Variants in INPP4B observed in about 807,000 individuals in gnomAD.
The protein encoded by INPP4B is inositol polyphosphate 4-phosphatase type II.
A neutral mutation model predicts 122.5 loss-of-function variants in INPP4B; 55 were observed. The observed-to-expected ratio is 0.45, with a 90% CI of 0.36 to 0.56. The LOEUF (loss-of-function observed/expected upper bound fraction) is 0.56. Ranked by LOEUF, INPP4B falls within the 20% of genes least tolerant of loss-of-function variation. The pLI, the probability that INPP4B is intolerant of heterozygous loss-of-function variation, is 0.00. For synonymous variants in INPP4B, 403 were observed against 388.7 expected (o/e 1.04, Z -0.43); for missense variants, 1,000 against 1,097.7 (o/e 0.91, Z 1.26).
rs889213169 is a variant in INPP4B, at chr4:142,251,708, T to C, written c.688+8784A>G. Reference sequence around the variant, plus strand: ...GACTTGATGTTTTTAAACATATTGCTCAATTAAATTGTATTTTGTTTATCT... The same window carrying C: ...GACTTGATGTTTTTAAACATATTGCCCAATTAAATTGTATTTTGTTTATCT... On this transcript the variant is annotated intron_variant, in intron 11 of 25. Coordinates refer to ENST00000262992, the MANE Select transcript of INPP4B (RefSeq NM_001101669.3). Among the ~76,000 whole-genome samples the C allele has an allele frequency of 3.9e-5, 6 of 152,334 alleles. No homozygotes were observed. The South Asian group carries it at 1.2e-3, about 32-fold the overall frequency.
chr4:142,598,482 T>C (rs1459361192), intron 2 of INPP4B, among the ~76,000 whole-genome samples: 2 of 152,084 alleles, frequency 1.3e-5, no homozygotes, highest in African/African-American at 4.8e-5. Context: ...CCACATCCTG[T>C]AAGTCCCCAT....
At chr4:142,843,157 G>C (rs1035064477) in intron 1 of INPP4B, among the ~76,000 whole-genome samples, 1 of 150,932 alleles carries the variant, frequency 6.6e-6, no homozygotes, top group African/African-American at 2.4e-5. Context: ...ATCTTTTCTA[G>C]GTATATACTG....
At chr4:142,112,159 A>T (rs565894232) in intron 22 of INPP4B, among the ~76,000 whole-genome samples, 5 of 152,330 alleles carry the variant, frequency 3.3e-5, no homozygotes, top group African/African-American at 9.6e-5. Context: ...AATAAACACA[A>T]AAAAGAGAAA....
intron 25 of INPP4B, among the ~76,000 whole-genome samples, chr4:142,067,217 G>A (rs1451272345): frequency 6.6e-6 from 1 of 152,210 alleles, no homozygotes; most frequent in Non-Finnish European, 1.5e-5. Context: ...AACAGGGTCT[G>A]GAGTGGACCT....
chr4:142,404,018 G>A (rs924504219), intron 6 of INPP4B, among the ~76,000 whole-genome samples: 2 of 151,144 alleles, frequency 1.3e-5, no homozygotes, highest in South Asian at 4.2e-4. Flanking sequence ...GAGTGAATAA[G>A]TAAATTTTGG....
chr4:142,788,228 A>G (rs961105181), intron 1 of INPP4B, among the ~76,000 whole-genome samples: 1 of 152,108 alleles, frequency 6.6e-6, no homozygotes, highest in African/African-American at 2.4e-5. Flanking sequence ...CTTTATTCCA[A>G]AAAATTCAAG....
chr4:142,175,473 C>G (rs1827714583), intron 15 of INPP4B, among the ~76,000 whole-genome samples: 2 of 151,962 alleles, frequency 1.3e-5, no homozygotes, highest in Non-Finnish European at 2.9e-5. Context: ...GAAGATTGAA[C>G]AAGAAGTCAA....
At chr4:142,717,821 A>G (rs914732942) in intron 2 of INPP4B, among the ~76,000 whole-genome samples, 14 of 151,334 alleles carry the variant, frequency 9.3e-5, no homozygotes, top group Non-Finnish European at 1.9e-4. Flanking sequence ...GCACACCAAC[A>G]TGGCACATGT....
At chr4:142,115,521 A>T (rs961335282) in intron 21 of INPP4B, among the ~76,000 whole-genome samples, 5 of 152,194 alleles carry the variant, frequency 3.3e-5, no homozygotes, top group Admixed American at 1.3e-4. Flanking sequence ...ATTCTTAAAG[A>T]AAAGAATTTT....
At chr4:142,743,875 C>T (rs994467241) in intron 1 of INPP4B, among the ~76,000 whole-genome samples, 3 of 151,704 alleles carry the variant, frequency 2.0e-5, no homozygotes, top group African/African-American at 7.3e-5. Flanking sequence ...ATCTACTAAA[C>T]GTTTTTACCA....
At chr4:142,214,031 G>T (rs1846007231) in intron 12 of INPP4B, among the ~76,000 whole-genome samples, 1 of 152,090 alleles carries the variant, frequency 6.6e-6, no homozygotes, top group Non-Finnish European at 1.5e-5. Flanking sequence ...GGAGCCAATG[G>T]ATCCAATGTT....
At chr4:142,664,985 T>C (rs1378237989) in intron 2 of INPP4B, among the ~76,000 whole-genome samples, 1 of 152,190 alleles carries the variant, frequency 6.6e-6, no homozygotes, top group African/African-American at 2.4e-5. Context: ...CAAATCTATA[T>C]AGCATATAAC....
At chr4:142,179,087 A>G (rs1184919941) in intron 15 of INPP4B, among the ~76,000 whole-genome samples, 1 of 152,036 alleles carries the variant, frequency 6.6e-6, no homozygotes, top group Non-Finnish European at 1.5e-5. Flanking sequence ...ACAAAACAGT[A>G]TTTTACCTCT....
chr4:142,556,856 A>C (rs1002545539), intron 2 of INPP4B, among the ~76,000 whole-genome samples: 1 of 152,180 alleles, frequency 6.6e-6, no homozygotes, highest in African/African-American at 2.4e-5. Context: ...TTTATCATCT[A>C]AGCTGATACC....
chr4:142,658,153 C>T (rs546776354), intron 2 of INPP4B, among the ~76,000 whole-genome samples: 1 of 152,296 alleles, frequency 6.6e-6, no homozygotes. Context: ...AATTGTGTTT[C>T]TAACTGTAAC....
chr4:142,316,494 CTACA>C (rs1767734739), intron 7 of INPP4B, among the ~76,000 whole-genome samples: 1 of 151,780 alleles, frequency 6.6e-6, no homozygotes, highest in Non-Finnish European at 1.5e-5. Flanking sequence ...GTTTGTTATA[CTACA>C]TATATACATA....
chr4:142,380,359 C>T (rs1793647786), intron 7 of INPP4B, among the ~76,000 whole-genome samples: 1 of 152,132 alleles, frequency 6.6e-6, no homozygotes, highest in South Asian at 2.1e-4. Flanking sequence ...GCTGCTGCTT[C>T]ATTCTCTACA....
intron 1 of INPP4B, among the ~76,000 whole-genome samples, chr4:142,761,583 T>C (rs914592263): frequency 6.7e-6 from 1 of 149,752 alleles, no homozygotes; most frequent in Non-Finnish European, 1.5e-5. Context: ...GTAATAATTG[T>C]TGTAAGAGAT....
At chr4:142,375,673 CT>C (rs1194636328) in intron 7 of INPP4B, among the ~76,000 whole-genome samples, 2 of 151,932 alleles carry the variant, frequency 1.3e-5, no homozygotes, top group Non-Finnish European at 2.9e-5. Flanking sequence ...GGTACTACTC[CT>C]TTCCCCTTTG....
Sources: allele counts gnomAD v4.1 joint callset (sites outside exome capture counted in the v4.1 genomes callset), GRCh38; gene constraint gnomAD v4.1.1; transcripts MANE v1.5; gene names NCBI Gene and HGNC (gene_info 2026-07-23, HGNC 2026-07-21).